Variants in KCNMA1 observed in about 807,000 individuals in gnomAD.
KCNMA1 encodes the protein potassium calcium-activated channel subfamily M alpha 1.
KCNMA1 carries 29 observed loss-of-function variants against 140.0 expected under a neutral mutation model. The observed-to-expected ratio is 0.21, with a 90% CI of 0.15 to 0.28. KCNMA1 has a LOEUF of 0.28. Among genes scored for constraint, KCNMA1 ranks in the 10% least tolerant of loss-of-function variants. The pLI, the probability that KCNMA1 is intolerant of heterozygous loss-of-function variation, is 1.00. For synonymous variants in KCNMA1, 612 were observed against 611.9 expected (o/e 1.00, Z 0.00); for missense variants, 880 against 1,602.2 (o/e 0.55, Z 7.70).
At chr10:77,093,404 C>A (rs192552645) in intron 9 of KCNMA1, among the ~76,000 whole-genome samples, 47 of 152,296 alleles carry the variant, frequency 3.1e-4, no homozygotes, top group Non-Finnish European at 8.8e-5. Flanking sequence ...TGGCCTCCCC[C>A]TTTTGTGCCA....
intron 2 of KCNMA1, among the ~76,000 whole-genome samples, chr10:77,285,630 T>C (rs1294001025): frequency 1.3e-5 from 2 of 152,258 alleles, no homozygotes; most frequent in Admixed American, 6.5e-5. Flanking sequence ...CCCCAGGTAG[T>C]AAACTGAAAT....
chr10:76,984,395 G>A (rs895141702), intron 19 of KCNMA1, among the ~76,000 whole-genome samples: 1 of 152,022 alleles, frequency 6.6e-6, no homozygotes, highest in African/African-American at 2.4e-5. Context: ...TCACCGTGTT[G>A]GCCAGGCTGG....
chr10:77,184,498 G>T (rs549989143), intron 4 of KCNMA1, among the ~76,000 whole-genome samples: 97 of 152,228 alleles, frequency 6.4e-4, no homozygotes, highest in Non-Finnish European at 1.2e-3. Context: ...GATTACAGGC[G>T]TGAGCCACCA....
intron 14 of KCNMA1, among the ~76,000 whole-genome samples, chr10:77,047,725 G>C (rs1471822767): frequency 1.3e-5 from 2 of 151,636 alleles, no homozygotes; most frequent in East Asian, 3.9e-4. Context: ...AGAGGAATTT[G>C]GTTTTGCAAC....
At chr10:77,403,750 C>T in intron 2 of KCNMA1, 112 bp downstream of exon 2, 1 of 1,097,272 alleles carries the variant, frequency 9.1e-7, no homozygotes, top group Non-Finnish European at 1.3e-6. Flanking sequence ...ACCCCCACCT[C>T]CCAATAGCCA....
In KCNMA1 at chr10:76,987,165, A is replaced by G. The variant is rs150121682; in HGVS notation, c.2266+14242T>C. Among the ~76,000 whole-genome samples the G allele has an allele frequency of 5.3e-5, 8 of 152,048 alleles. No individual in the cohort carries two copies. The East Asian group carries it at 1.5e-3, about 29-fold the overall frequency. On this transcript the variant is annotated intron_variant, in intron 19 of 27. Coordinates refer to ENST00000286628, the MANE Select transcript of KCNMA1 (RefSeq NM_001161352.2). ...GAAACATATTGTCAACAGAGTTTAC[A>G]TGTTAATCAGCCATTTATTGAATTC...
In KCNMA1 at chr10:77,637,808, C is replaced by A; in HGVS notation, c.-166G>T. 8.4e-7 allele frequency: 1 copy of A among 1,191,878 alleles called. No homozygotes were observed. Among genetic ancestry groups the A allele is most frequent in the Non-Finnish European group, 1.1e-6 (1 of 949,572 alleles). 73.8% of individuals were successfully genotyped at this position (1,191,878 alleles called of 1,614,324 possible). On this transcript the variant is annotated 5_prime_UTR_variant, in exon 1 of 28. Coordinates refer to ENST00000286628, the MANE Select transcript of KCNMA1 (RefSeq NM_001161352.2). ...AGGCGCCTGGGCTCGGGGCGCTGTG[C>A]GCGACCTGGCGGGGTGCGCCGAGAT... is the stretch of plus-strand genomic sequence containing the variant.
intron 2 of KCNMA1, among the ~76,000 whole-genome samples, chr10:77,271,811 C>G (rs75703925): frequency 0.025 from 3,827 of 152,172 alleles, 151 homozygotes; most frequent in African/African-American, 0.088. Context: ...TTACCTGATG[C>G]AAAACACCAC....
chr10:76,972,655 T>C (rs913318709), intron 19 of KCNMA1, among the ~76,000 whole-genome samples: 1 of 152,226 alleles, frequency 6.6e-6, no homozygotes, highest in Non-Finnish European at 1.5e-5. Flanking sequence ...TCCATCGTAA[T>C]CATACTGCAT....
At chr10:77,633,311 T>C (rs531390575) in intron 1 of KCNMA1, among the ~76,000 whole-genome samples, 1 of 150,360 alleles carries the variant, frequency 6.7e-6, no homozygotes, top group South Asian at 2.1e-4. Flanking sequence ...CGAGACTCCA[T>C]CTCAAAAAAA....
chr10:77,300,038 G>C (rs1470581387), intron 2 of KCNMA1, among the ~76,000 whole-genome samples: 1 of 152,192 alleles, frequency 6.6e-6, no homozygotes, highest in Non-Finnish European at 1.5e-5. Context: ...CTGAGCCTCT[G>C]TGGCATTAGA....
At chr10:77,203,561 CT>C (rs1337418305) in intron 3 of KCNMA1, among the ~76,000 whole-genome samples, 1 of 152,088 alleles carries the variant, frequency 6.6e-6, no homozygotes, top group East Asian at 1.9e-4. Flanking sequence ...TCTCCCTTCC[CT>C]GCTAGACTGT....
rs56364046 is a variant in KCNMA1 at position 77,482,991 on chromosome 10, TACACACACACACACACACACACACAC to T, written c.379-78994_379-78969del. ...CTCTCTTCTCTCTCTCTCTCTCACA[TACACACACACACACACACACACACAC>T]ACACACACACACACACACACACACC... On this transcript the variant is annotated intron_variant, in intron 1 of 27. Transcript: ENST00000286628. Among the ~76,000 whole-genome samples, 313 of 126,858 alleles carry T rather than the reference TACACACACACACACACACACACACAC, an allele frequency of 2.5e-3. 1 individual carries two copies. The highest frequency in any genetic ancestry group is 9.3e-3 in the African/African-American group (302 of 32,588). 83.2% of individuals were successfully genotyped at this position (126,858 alleles called of 152,430 possible). A position where few individuals can be genotyped will look rare whatever the true frequency, so the allele number is the denominator to read the frequency against.
chr10:77,578,059 C>T (rs1002583715), intron 1 of KCNMA1, among the ~76,000 whole-genome samples: 4 of 152,188 alleles, frequency 2.6e-5, no homozygotes, highest in East Asian at 3.8e-4. Flanking sequence ...CCAGCAGCTT[C>T]GGACAGTGCC....
At chr10:77,205,933 T>C (rs1042268983) in intron 3 of KCNMA1, among the ~76,000 whole-genome samples, 4 of 152,186 alleles carry the variant, frequency 2.6e-5, no homozygotes, top group Non-Finnish European at 5.9e-5. Context: ...GAGCTAATAG[T>C]ATAGAAGCAG....
At chr10:77,377,668 A>G (rs1184917706) in intron 2 of KCNMA1, among the ~76,000 whole-genome samples, 1 of 152,226 alleles carries the variant, frequency 6.6e-6, no homozygotes, top group Non-Finnish European at 1.5e-5. Flanking sequence ...GGTTTCAGTT[A>G]GTGTACACAG....
chr10:77,139,502 T>C (rs1022739130), intron 5 of KCNMA1, among the ~76,000 whole-genome samples: 2 of 152,226 alleles, frequency 1.3e-5, no homozygotes, highest in Non-Finnish European at 2.9e-5. Context: ...AACTGGAATT[T>C]TGTTAGGCAC....
intron 5 of KCNMA1, among the ~76,000 whole-genome samples, chr10:77,171,410 T>C (rs773696974): frequency 0.055 from 4,829 of 87,182 alleles, 98 homozygotes; most frequent in Middle Eastern, 0.17. Context: ...CGTGTGTGTG[T>C]GTGTGTGTGT....
intron 3 of KCNMA1, among the ~76,000 whole-genome samples, chr10:77,215,561 A>G (rs2047474506): frequency 6.6e-6 from 1 of 152,180 alleles, no homozygotes. Context: ...TAATATGCAG[A>G]CTATGAGCCT....
Sources: allele counts gnomAD v4.1 joint callset (sites outside exome capture counted in the v4.1 genomes callset), GRCh38; gene constraint gnomAD v4.1.1; transcripts MANE v1.5; gene names NCBI Gene and HGNC (gene_info 2026-07-23, HGNC 2026-07-21).